Variants in DNM3 observed in about 807,000 individuals in gnomAD.
The protein encoded by DNM3 is dynamin 3.
DNM3 carries 47 observed loss-of-function variants against 101.6 expected under a neutral mutation model. The ratio of observed to expected loss-of-function variants is 0.46; its 90% confidence interval spans 0.37 to 0.59. The LOEUF (loss-of-function observed/expected upper bound fraction) is 0.59. Ranked by LOEUF, DNM3 falls within the 20% of genes least tolerant of loss-of-function variation. The probability of loss-of-function intolerance (pLI) is 0.00; values close to 1 mark genes in which losing one functional copy is unlikely to be tolerated. For synonymous variants in DNM3, 385 were observed against 387.9 expected (o/e 0.99, Z 0.09); for missense variants, 849 against 1,085.7 (o/e 0.78, Z 3.06).
At chr1:171,995,991 C>T (rs1409138785) in intron 4 of DNM3, among the ~76,000 whole-genome samples, 1 of 152,106 alleles carries the variant, frequency 6.6e-6, no homozygotes, top group Non-Finnish European at 1.5e-5. Flanking sequence ...CTTGGGAAGA[C>T]AGCTCATCTT....
chr1:171,870,281 C>G (rs1165179807), intron 1 of DNM3, among the ~76,000 whole-genome samples: 2 of 152,156 alleles, frequency 1.3e-5, no homozygotes, highest in Non-Finnish European at 2.9e-5. Context: ...GACTCTCACT[C>G]TGTTCTCATT....
intron 2 of DNM3, among the ~76,000 whole-genome samples, chr1:171,930,930 T>C (rs2040956278): frequency 6.6e-6 from 1 of 152,160 alleles, no homozygotes; most frequent in South Asian, 2.1e-4. Flanking sequence ...TAATTCAGTT[T>C]ATAATAGCAT....
intron 15 of DNM3, among the ~76,000 whole-genome samples, chr1:172,255,055 G>A (rs775556499): frequency 2.1e-4 from 32 of 152,070 alleles, no homozygotes; most frequent in Non-Finnish European, 2.5e-4. Flanking sequence ...AAAAGAAGAC[G>A]TCTTCCTACA....
intron 14 of DNM3, among the ~76,000 whole-genome samples, chr1:172,251,388 G>A (rs1400462944): frequency 6.6e-6 from 1 of 150,562 alleles, no homozygotes; most frequent in Non-Finnish European, 1.5e-5. Flanking sequence ...TAGAGTTGCT[G>A]CTGTCTCATT....
intron 14 of DNM3, among the ~76,000 whole-genome samples, chr1:172,235,388 C>T (rs1467290212): frequency 6.6e-6 from 1 of 152,176 alleles, no homozygotes; most frequent in African/African-American, 2.4e-5. Context: ...AACACTTTTA[C>T]ACTGTTGGTG....
chr1:172,008,786 TTAATATATA>T (rs977748798), intron 4 of DNM3, among the ~76,000 whole-genome samples: 18 of 121,262 alleles, frequency 1.5e-4, no homozygotes, highest in African/African-American at 6.2e-4. Flanking sequence ...TTAATATATA[TTAATATATA>T]TAATATATAA....
chr1:172,338,859 T>G (rs949708289), intron 17 of DNM3: 4 of 469,190 alleles, frequency 8.5e-6, no homozygotes, highest in Admixed American at 2.3e-5. Flanking sequence ...AAATCCAGAA[T>G]GAAAGTGCAT....
At chr1:171,908,347 A>G (rs1045613042) in intron 1 of DNM3, among the ~76,000 whole-genome samples, 6 of 152,348 alleles carry the variant, frequency 3.9e-5, no homozygotes, top group Non-Finnish European at 5.9e-5. Flanking sequence ...TGCATTTTGC[A>G]TATTCATGCT....
At chr1:172,246,554 T>C (rs1016068852) in intron 14 of DNM3, among the ~76,000 whole-genome samples, 10 of 152,144 alleles carry the variant, frequency 6.6e-5, no homozygotes, top group African/African-American at 2.4e-4. Flanking sequence ...TAGGCAAAGG[T>C]ATTTCTAGTG....
intron 20 of DNM3, among the ~76,000 whole-genome samples, chr1:172,395,316 G>A (rs528352362): frequency 3.9e-5 from 6 of 151,910 alleles, no homozygotes; most frequent in East Asian, 1.9e-4. Flanking sequence ...GATTACAGGC[G>A]TGCACCACCA....
intron 14 of DNM3, among the ~76,000 whole-genome samples, chr1:172,195,171 G>A (rs2059902057): frequency 6.6e-6 from 1 of 151,888 alleles, no homozygotes; most frequent in East Asian, 1.9e-4. Context: ...GATTTGGAGA[G>A]AAGAAACATC....
chr1:172,409,987 A>G lies in DNM3; in HGVS notation c.*2146A>G. ...TTCCTTCCACTGATCTTAGGCAGTA[A>G]TAAACAATGGCATTTGTCATCTTTG... On this transcript the variant is annotated 3_prime_UTR_variant, in exon 21 of 21. Coordinates refer to ENST00000627582, the MANE Select transcript of DNM3 (RefSeq NM_015569.5). 1 of 985,762 alleles carries G rather than the reference A, an allele frequency of 1.0e-6. No individual in the cohort carries two copies. The highest frequency in any genetic ancestry group is 1.2e-6 in the Non-Finnish European group (1 of 829,882). 61.1% of individuals were successfully genotyped at this position (985,762 alleles called of 1,614,324 possible).
At chr1:172,256,255 G>A (rs2062392318) in intron 15 of DNM3, among the ~76,000 whole-genome samples, 1 of 151,952 alleles carries the variant, frequency 6.6e-6, no homozygotes, top group African/African-American at 2.4e-5. Context: ...ATTGTTCTTT[G>A]GAACCCTTCA....
chr1:172,357,887 C>T (rs1471042262), intron 17 of DNM3, among the ~76,000 whole-genome samples: 3 of 152,020 alleles, frequency 2.0e-5, no homozygotes, highest in Admixed American at 1.3e-4. Flanking sequence ...TATATGTTAC[C>T]TCCAGTTCTG....
At chr1:171,858,791 T>C (rs1339026240) in intron 1 of DNM3, among the ~76,000 whole-genome samples, 3 of 152,164 alleles carry the variant, frequency 2.0e-5, no homozygotes, top group Non-Finnish European at 4.4e-5. Context: ...ATCAGTACAC[T>C]GAAACCGCCC....
rs1455782223 is a variant in DNM3 at position 172,109,857 on chromosome 1, A to T, written c.1545+16982A>T. On this transcript the variant is annotated intron_variant, in intron 13 of 20. Coordinates refer to ENST00000627582, the MANE Select transcript of DNM3 (RefSeq NM_015569.5). ...AGTTACAGCCAATTTTCAGTTAGCC[A>T]TCATTAAGCAGCTTGGGAAGAATAT... is the stretch of plus-strand genomic sequence containing the variant. Among the ~76,000 whole-genome samples the T allele has an allele frequency of 2.0e-5, 3 of 152,238 alleles. No homozygotes were observed. The East Asian group carries it at 5.8e-4, about 29-fold the overall frequency.
chr1:172,316,644 G>T (rs1010909790), intron 16 of DNM3, among the ~76,000 whole-genome samples: 2 of 152,024 alleles, frequency 1.3e-5, no homozygotes, highest in African/African-American at 4.8e-5. Context: ...GACAAAGAAG[G>T]CTATTACATA....
At chr1:172,415,872 A>AC (rs2071411997), downstream of DNM3, among the ~76,000 whole-genome samples, 1 of 152,168 alleles carries the variant, frequency 6.6e-6, no homozygotes, top group Non-Finnish European at 1.5e-5. Flanking sequence ...GCTATAAGGA[A>AC]GACCTCCTCA....
intron 14 of DNM3, among the ~76,000 whole-genome samples, chr1:172,195,863 A>T (rs1432535277): frequency 6.8e-6 from 1 of 147,750 alleles, no homozygotes; most frequent in Admixed American, 6.7e-5. Context: ...TACTAAGTGG[A>T]TTTTTTTTTT....
Sources: gnomAD v4.1 joint callset for allele counts (sites outside exome capture counted in the v4.1 genomes callset) on GRCh38, gnomAD v4.1.1 for gene constraint, MANE v1.5 for transcripts, NCBI Gene and HGNC (gene_info 2026-07-23, HGNC 2026-07-21) for gene names.